Variants in NRK observed in about 807,000 individuals in gnomAD.
NRK encodes the protein nik-related protein kinase.
Under a neutral mutation model 125.2 loss-of-function variants are expected in NRK, and 67 were observed. That is an observed-to-expected ratio of 0.54 (90% CI 0.44 to 0.66). The LOEUF (loss-of-function observed/expected upper bound fraction) is 0.66. Ranked by LOEUF, NRK falls within the 30% of genes least tolerant of loss-of-function variation. The probability of loss-of-function intolerance (pLI) is 0.00; values close to 1 mark genes in which losing one functional copy is unlikely to be tolerated. For synonymous variants in NRK, 458 were observed against 429.0 expected (o/e 1.07, Z -0.84); for missense variants, 1,224 against 1,192.9 (o/e 1.03, Z -0.38).
chrX:105,949,195 G>C (rs1209275000), intron 26 of NRK, among the ~76,000 whole-genome samples: 1 of 111,535 alleles, frequency 9.0e-6, no homozygotes, highest in Admixed American at 9.6e-5. Context: ...TATTTGATTT[G>C]TACATTAATT....
At chrX:105,882,995 A>AGGAAGTT (rs1206689954) in intron 4 of NRK, among the ~76,000 whole-genome samples, 1 of 112,511 alleles carries the variant, frequency 8.9e-6, no homozygotes, top group Non-Finnish European at 1.9e-5. Context: ...GAAATTACAA[A>AGGAAGTT]GGAAGTTCTG....
intron 2 of NRK, among the ~76,000 whole-genome samples, chrX:105,878,323 T>C (rs2039841087): frequency 9.0e-6 from 1 of 110,924 alleles, no homozygotes; most frequent in Non-Finnish European, 1.9e-5. Context: ...GTCATTACAA[T>C]CCTACGAAAA....
At chrX:105,875,534 A>G (rs1211684030) in intron 2 of NRK, among the ~76,000 whole-genome samples, 2 of 111,502 alleles carry the variant, frequency 1.8e-5, no homozygotes, top group African/African-American at 6.5e-5. Flanking sequence ...TCTTAATAAC[A>G]TGGAGGACAG....
chrX:105,945,828 T>C, intron 24 of NRK, 44 bp from the exon 25 acceptor site: 1 of 1,156,088 alleles, frequency 8.6e-7, no homozygotes, highest in Non-Finnish European at 1.2e-6. Context: ...ACATACCCAG[T>C]ATATGGTAGG....
At chrX:105,924,122 T>C (rs2040491780) in intron 18 of NRK, among the ~76,000 whole-genome samples, 1 of 109,390 alleles carries the variant, frequency 9.1e-6, no homozygotes, top group South Asian at 3.9e-4. Flanking sequence ...TTAAGCTTAG[T>C]ATTTTTAGCA....
chrX:105,896,840 C>T (rs2040090456), intron 7 of NRK, among the ~76,000 whole-genome samples: 2 of 111,449 alleles, frequency 1.8e-5, no homozygotes, highest in South Asian at 7.6e-4. Context: ...GATACCTTGT[C>T]TCTAAACAAT....
intron 18 of NRK, among the ~76,000 whole-genome samples, chrX:105,924,436 A>G (rs1047833805): frequency 1.1e-4 from 12 of 111,836 alleles, no homozygotes; most frequent in Admixed American, 8.6e-4. Flanking sequence ...CCTAACAAAG[A>G]ATACAAGTTC....
At chrX:105,846,975 C>T (rs2039410960) in intron 2 of NRK, among the ~76,000 whole-genome samples, 1 of 111,865 alleles carries the variant, frequency 8.9e-6, no homozygotes, top group African/African-American at 3.2e-5. Context: ...GTATATGTAA[C>T]TGAGGCATAG....
chrX:105,845,498 A>G (rs2039388923), intron 2 of NRK, among the ~76,000 whole-genome samples: 1 of 112,031 alleles, frequency 8.9e-6, no homozygotes, highest in Non-Finnish European at 1.9e-5. Context: ...ATTTTGATGA[A>G]GAACAAATAC....
At position 105,833,811 on chromosome X, in the gene NRK, A is replaced by G. The variant is rs144687819; in HGVS notation, c.123+2692A>G. 5.7e-4 allele frequency among the ~76,000 whole-genome samples: 64 copies of G among 111,331 alleles called. No homozygotes were observed. The East Asian group carries it at 0.017, about 30-fold the overall frequency. On this transcript the variant is annotated intron_variant, in intron 2 of 28. Transcript: ENST00000243300. ...ATCAAGATTTTCAATGTACATCTTA[A>G]ACTAATCACAGTCTAGATTCAAGGA...
At chrX:105,901,673 C>T (rs780599412) in intron 9 of NRK, among the ~76,000 whole-genome samples, 1 of 111,012 alleles carries the variant, frequency 9.0e-6, no homozygotes, top group East Asian at 2.9e-4. Context: ...TCCTGGTATC[C>T]CTTGGAATAT....
At chrX:105,893,040 AT>A (rs1465210744) in intron 5 of NRK, among the ~76,000 whole-genome samples, 2 of 111,923 alleles carry the variant, frequency 1.8e-5, no homozygotes, top group Non-Finnish European at 3.8e-5. Context: ...TAATAGTTAT[AT>A]GCTCTTGTAC....
intron 5 of NRK, among the ~76,000 whole-genome samples, chrX:105,893,543 G>C (rs760485435): frequency 1.8e-5 from 2 of 111,607 alleles, no homozygotes; most frequent in East Asian, 5.7e-4. Flanking sequence ...TTCCTTTTAA[G>C]CATATACAAA....
intron 22 of NRK, 126 bp downstream of exon 22, chrX:105,937,708 C>A: frequency 2.5e-6 from 1 of 395,530 alleles, no homozygotes; most frequent in Non-Finnish European, 4.3e-6. Flanking sequence ...TTAATTGGGA[C>A]ACCAGACTTT....
rs771455991 is a variant in NRK, at chrX:105,899,596, TC to T, written c.711+884del. On this transcript the variant is annotated intron_variant, in intron 8 of 28. Transcript: ENST00000243300. ...TATAATTGTATACTTTTTGCAGTCT[TC>T]CAAGGACTTTCACCTGTATTCGTTA... Among the ~76,000 whole-genome samples the T allele has an allele frequency of 1.5e-3, 171 of 112,186 alleles. 1 individual carries two copies. The highest frequency in any genetic ancestry group is 5.4e-3 in the African/African-American group (166 of 30,920).
rs762171526 is a variant in NRK at position 105,945,927 on chromosome X, A to G, written c.4115A>G (p.Tyr1372Cys). ...GGAGACTACATGTCCTATCAAGCCT[A>G]TATACGAATACTGGCAAAAATACAG... is the stretch of plus-strand genomic sequence containing the variant. The part of the protein sequence containing the change: ...SEGDYMSYQA[Y>C]IRILAKIQAA... Residue 1372 changes from tyrosine to cysteine, a missense_variant, in exon 25 of 29, where the codon TAT (tyrosine) becomes TGT (cysteine). Coordinates refer to ENST00000243300, the MANE Select transcript of NRK (RefSeq NM_198465.4). The G allele has an allele frequency of 1.7e-6, 2 of 1,204,964 alleles. No homozygotes were observed. Among genetic ancestry groups the G allele is most frequent in the Admixed American group, 2.2e-5 (1 of 45,957 alleles).
At chrX:105,865,223 G>C (rs145432767) in intron 2 of NRK, among the ~76,000 whole-genome samples, 3,142 of 111,157 alleles carry the variant, frequency 0.028, 101 homozygotes, top group African/African-American at 0.097. Flanking sequence ...TGGGGATAGT[G>C]GGGGAGTAAG....
intron 19 of NRK, among the ~76,000 whole-genome samples, chrX:105,928,291 A>G (rs1002791821): frequency 1.8e-5 from 2 of 111,064 alleles, no homozygotes; most frequent in African/African-American, 6.5e-5. Context: ...GTTTTTCATA[A>G]TAGTCTCTTA....
At chrX:105,906,307 G>A (rs2040217500) in intron 10 of NRK, 107 bp from the exon 11 acceptor site, 1 of 380,013 alleles carries the variant, frequency 2.6e-6, no homozygotes, top group African/African-American at 2.6e-5. Flanking sequence ...ATACCTAAAG[G>A]CAACTCTCTC....
Sources: allele counts gnomAD v4.1 joint callset (sites outside exome capture counted in the v4.1 genomes callset), GRCh38; gene constraint gnomAD v4.1.1; transcripts MANE v1.5; gene names NCBI Gene and HGNC (gene_info 2026-07-23, HGNC 2026-07-21).